The following PRSS3 variants were observed in gnomAD, a reference collection of about 807,000 sequenced individuals.
PRSS3 encodes trypsin-3.
PRSS3 carries 14 observed loss-of-function variants against 20.8 expected under a neutral mutation model. The ratio of observed to expected loss-of-function variants is 0.67; its 90% confidence interval spans 0.44 to 1.05. The LOEUF (loss-of-function observed/expected upper bound fraction) is 1.05, where lower values mean the gene tolerates loss of function less well. Ranked by LOEUF, PRSS3 falls within the 50% of genes least tolerant of loss-of-function variation. PRSS3 has a pLI of 0.00. For synonymous variants in PRSS3, 91 were observed against 117.6 expected, an observed-to-expected ratio of 0.77 and a Z score of 1.46; for missense variants, 237 against 306.4, an observed-to-expected ratio of 0.77 and a Z score of 1.69.
intron 1 of PRSS3, among the ~76,000 whole-genome samples, chr9:33,771,884 T>C (rs1196844825): frequency 6.7e-6 from 1 of 150,226 alleles, no homozygotes; most frequent in African/African-American, 2.4e-5. Flanking sequence ...TTTTTTTTTT[T>C]TTTTTGAAAC....
At chr9:33,796,875 GT>G in intron 2 of PRSS3, 73 bp downstream of exon 2, 1 of 1,610,630 alleles carries the variant, frequency 6.2e-7, no homozygotes, top group Admixed American at 1.7e-5. Context: ...GCCCAGGGAA[GT>G]ACTGAGGTTG....
Position 33,769,508 on chromosome 9 carries a change from A to G in PRSS3, c.-53+18781A>G, listed in dbSNP as rs185409858. On this transcript the variant is annotated intron_variant, in intron 1 of 5. Transcript: ENST00000342836. ...ATACCAGCAGACATTGCCAGTTTGG[A>G]CCAAAGGAGACAGAAATAGGAAGAA... is the stretch of plus-strand genomic sequence containing the variant. Among the ~76,000 whole-genome samples, 61 of 152,338 alleles carry G rather than the reference A, an allele frequency of 4.0e-4. 1 individual carries two copies. In the East Asian group the frequency reaches 0.011, roughly 26 times the overall value.
chr9:33,784,212 CAA>C (rs747751253), intron 1 of PRSS3, among the ~76,000 whole-genome samples: 33 of 151,330 alleles, frequency 2.2e-4, no homozygotes, highest in East Asian at 1.7e-3. Flanking sequence ...TTTTTTCAAA[CAA>C]AGAGAATACT....
chr9:33,788,310 C>T (rs1318721899), intron 1 of PRSS3, among the ~76,000 whole-genome samples: 1 of 152,174 alleles, frequency 6.6e-6, no homozygotes, highest in East Asian at 1.9e-4. Flanking sequence ...CCAACGACCC[C>T]CTCTTCTTCT....
rs191422783 is a variant in PRSS3, at chr9:33,790,338, G to A, written c.-52-4408G>A. On this transcript the variant is annotated intron_variant, in intron 1 of 5. Coordinates refer to the PRSS3 transcript ENST00000342836. The stretch of plus-strand genomic sequence containing the variant: ...AAATATTTTACATTAACTTTAATAA[G>A]AATAGTTCAATACACTGATGACCAT... Among the ~76,000 whole-genome samples the A allele has an allele frequency of 1.7e-4, 26 of 152,220 alleles. No homozygotes were observed. The East Asian group carries it at 4.6e-3, about 27-fold the overall frequency.
chr9:33,781,563 A>T (rs548951316), intron 1 of PRSS3, among the ~76,000 whole-genome samples: 7 of 152,250 alleles, frequency 4.6e-5, no homozygotes, highest in African/African-American at 1.2e-4. Flanking sequence ...GGGTTGAAAA[A>T]CTACCTATTG....
chr9:33,767,082 G>C (rs1220371128), intron 1 of PRSS3, among the ~76,000 whole-genome samples: 4 of 152,010 alleles, frequency 2.6e-5, no homozygotes, highest in Non-Finnish European at 5.9e-5. Context: ...ACTTAGTAAA[G>C]TTGTTGAAAT....
chr9:33,774,089 T>C (rs1244040911), intron 1 of PRSS3, among the ~76,000 whole-genome samples: 1 of 152,262 alleles, frequency 6.6e-6, no homozygotes, highest in East Asian at 1.9e-4. Flanking sequence ...TAAATGTTTT[T>C]AATGCTAAAC....
intron 1 of PRSS3, among the ~76,000 whole-genome samples, chr9:33,776,344 A>C (rs925842651): frequency 1.3e-5 from 2 of 152,250 alleles, no homozygotes; most frequent in African/African-American, 4.8e-5. Context: ...CCAAAAAGGG[A>C]GAGAAAAAAA....
At chr9:33,756,933 T>C (rs1052201713) in intron 1 of PRSS3, among the ~76,000 whole-genome samples, 7 of 152,210 alleles carry the variant, frequency 4.6e-5, no homozygotes, top group African/African-American at 1.4e-4. Context: ...TCTGTGAGCA[T>C]GGTTTGTAAG....
rs932516934 is a variant in PRSS3 at position 33,754,366 on chromosome 9, G to C, written c.-53+3639G>C. Among the ~76,000 whole-genome samples, 165 of 151,984 alleles carry C rather than the reference G, an allele frequency of 1.1e-3. 1 individual carries two copies. Among genetic ancestry groups the C allele is most frequent in the African/African-American group, 3.7e-3 (152 of 41,452 alleles). ...ATTACAGATGTGAGCCGCCGCGCCT[G>C]GCTTGTCCTTCTTTATAATAAATAA... On this transcript the variant is annotated intron_variant, in intron 1 of 5. Coordinates refer to the PRSS3 transcript ENST00000342836.
intron 1 of PRSS3, among the ~76,000 whole-genome samples, chr9:33,761,258 T>C (rs1461182857): frequency 6.6e-6 from 1 of 152,252 alleles, no homozygotes; most frequent in East Asian, 1.9e-4. Context: ...GCATACGCAC[T>C]GTTAGCAGAT....
At chr9:33,782,381 T>C (rs1824224455) in intron 1 of PRSS3, among the ~76,000 whole-genome samples, 1 of 152,210 alleles carries the variant, frequency 6.6e-6, no homozygotes, top group Admixed American at 6.5e-5. Context: ...CTGGGTGCAA[T>C]ATACCCATGT....
At chr9:33,753,785 A>G (rs546357355) in intron 1 of PRSS3, among the ~76,000 whole-genome samples, 1 of 152,372 alleles carries the variant, frequency 6.6e-6, no homozygotes, top group Admixed American at 6.5e-5. Context: ...TCATTCAGCT[A>G]CAAGAACAGA....
rs372420017 is a variant in PRSS3, at chr9:33,785,117, G to A, written c.-52-9629G>A. On this transcript the variant is annotated intron_variant, in intron 1 of 5. Coordinates refer to the PRSS3 transcript ENST00000342836. Reference sequence around the variant, plus strand: ...TATTTTAAGCAGTTACATGATACAAGAAATCAGCTTGATAATGGAAAAAGA... The same window carrying A: ...TATTTTAAGCAGTTACATGATACAAAAAATCAGCTTGATAATGGAAAAAGA... 2.1e-5 allele frequency among the ~76,000 whole-genome samples: 3 copies of A among 140,612 alleles called. No homozygotes were observed. In the East Asian group the frequency reaches 6.2e-4, roughly 29 times the overall value. The allele number at this position is 140,612 out of a possible 152,430, so 92.2% of individuals were successfully genotyped here.
chr9:33,797,661 A>C (rs1297310468), intron 2 of PRSS3, among the ~76,000 whole-genome samples, 168 bp from the exon 3 acceptor site: 1 of 152,228 alleles, frequency 6.6e-6, no homozygotes, highest in Non-Finnish European at 1.5e-5. Flanking sequence ...CCTGGGTCTC[A>C]CACCTGCACT....
chr9:33,791,924 A>G (rs925518522), upstream of PRSS3, among the ~76,000 whole-genome samples: 2 of 152,080 alleles, frequency 1.3e-5, no homozygotes, highest in Non-Finnish European at 2.9e-5. Flanking sequence ...GGGCAGGCAG[A>G]AGGAGGGGCA....
Position 33,799,013 on chromosome 9 carries a change from C to A in PRSS3, c.592-15C>A. On this transcript the variant is annotated splice_polypyrimidine_tract_variant and intron_variant, in intron 4 of 4. Coordinates refer to ENST00000379405, the MANE Select transcript of PRSS3 (RefSeq NM_002771.4). ...CATCTCTCTCTTTATACAACTTGTC[C>A]CTTCTTCTCCCCAGCGTGACTCTGG... 1 of 1,613,618 alleles carries A rather than the reference C, an allele frequency of 6.2e-7. No homozygotes were observed.
upstream of PRSS3, chr9:33,793,746 T>G: frequency 1.1e-6 from 1 of 921,342 alleles, no homozygotes; most frequent in African/African-American, 1.8e-5. Context: ...AGATCTGTAT[T>G]CTTGGGCAAG....
Sources: gnomAD v4.1 joint callset for allele counts (sites outside exome capture counted in the v4.1 genomes callset) on GRCh38, gnomAD v4.1.1 for gene constraint, MANE v1.5 for transcripts, NCBI Gene and HGNC (gene_info 2026-07-23, HGNC 2026-07-21) for gene names.